Variants in ZSCAN5A observed in about 807,000 individuals in gnomAD.
ZSCAN5A encodes zinc finger and SCAN domain-containing protein 5A.
ZSCAN5A carries 12 observed loss-of-function variants against 23.7 expected under a neutral mutation model. The ratio of observed to expected loss-of-function variants is 0.51; its 90% CI spans 0.32 to 0.82. The LOEUF (loss-of-function observed/expected upper bound fraction) is 0.82, where lower values mean the gene tolerates loss of function less well. Ranked by LOEUF, ZSCAN5A falls within the 40% of genes least tolerant of loss-of-function variation. ZSCAN5A has a pLI of 0.03. For missense variants in ZSCAN5A, 597 were observed against 617.9 expected, an observed-to-expected ratio of 0.97 and a Z score of 0.36; for synonymous variants, 257 against 239.9, an observed-to-expected ratio of 1.07 and a Z score of -0.66.
At chr19:56,241,624 A>G (rs1352677455) in intron 2 of ZSCAN5A, among the ~76,000 whole-genome samples, 1 of 151,898 alleles carries the variant, frequency 6.6e-6, no homozygotes, top group Admixed American at 6.6e-5. Flanking sequence ...TCTTTTAGCA[A>G]TTTCCAAGCA....
chr19:56,262,826 A>G lies in ZSCAN5A; in HGVS notation c.-127-37653T>C, dbSNP rs147694320. On this transcript the variant is annotated intron_variant, in intron 2 of 5. Coordinates refer to ENST00000683990, the MANE Select transcript of ZSCAN5A (RefSeq NM_001322064.3). ...TTTATTGCTGTGCAATATTCCATTG[A>G]TTTATTTATCCATTCCTTGATTTAT... is the stretch of plus-strand genomic sequence containing the variant. Among the ~76,000 whole-genome samples the G allele has an allele frequency of 6.5e-3, 995 of 152,190 alleles. 4 individuals are homozygous for G. Among genetic ancestry groups the G allele is most frequent in the Non-Finnish European group, 8.7e-3 (593 of 68,006 alleles).
intron 2 of ZSCAN5A, chr19:56,301,956 G>C: frequency 8.1e-7 from 1 of 1,231,990 alleles, no homozygotes; most frequent in Non-Finnish European, 1.0e-6. Flanking sequence ...TCATCTCCAC[G>C]GTTCTCTCCA....
intron 2 of ZSCAN5A, among the ~76,000 whole-genome samples, chr19:56,307,901 AG>A (rs1233948819): frequency 6.6e-6 from 1 of 152,260 alleles, no homozygotes; most frequent in African/African-American, 2.4e-5. Flanking sequence ...CCTGGCAGGA[AG>A]CCTCTGCCCC....
chr19:56,271,678 GGA>G (rs1176113143), intron 2 of ZSCAN5A, among the ~76,000 whole-genome samples: 4 of 152,176 alleles, frequency 2.6e-5, no homozygotes, highest in Non-Finnish European at 4.4e-5. Flanking sequence ...GATGGCGGCA[GGA>G]GAGAGTCCCC....
At chr19:56,223,337 C>CG (rs1349376136) in intron 4 of ZSCAN5A, among the ~76,000 whole-genome samples, 1 of 152,218 alleles carries the variant, frequency 6.6e-6, no homozygotes, top group African/African-American at 2.4e-5. Context: ...TTTGAGGAAA[C>CG]TGGCTACGGG....
intron 2 of ZSCAN5A, among the ~76,000 whole-genome samples, chr19:56,332,241 C>T (rs972229575): frequency 6.6e-6 from 1 of 152,168 alleles, no homozygotes; most frequent in East Asian, 1.9e-4. Flanking sequence ...TCTGATGATC[C>T]GTCTAATGCT....
intron 2 of ZSCAN5A, chr19:56,274,537 G>C (rs11084442): frequency 6.6e-6 from 1 of 151,478 alleles, no homozygotes; most frequent in Non-Finnish European, 1.5e-5. Context: ...TTAGACTTGA[G>C]GAAAAGTCAC....
chr19:56,292,742 C>T (rs1456118712), intron 2 of ZSCAN5A, among the ~76,000 whole-genome samples: 1 of 152,138 alleles, frequency 6.6e-6, no homozygotes, highest in Non-Finnish European at 1.5e-5. Flanking sequence ...ACCTCAGCCC[C>T]GGCAACCACC....
intron 3 of ZSCAN5A, 115 bp from the exon 4 acceptor site, chr19:56,223,949 C>T (rs891846681): frequency 2.6e-5 from 26 of 1,007,568 alleles, no homozygotes; most frequent in Non-Finnish European, 3.6e-5. Context: ...TCAAATCTGC[C>T]TTCCCAATAG....
chr19:56,349,052 C>A (rs1312897220), intron 2 of ZSCAN5A, among the ~76,000 whole-genome samples: 1 of 152,188 alleles, frequency 6.6e-6, no homozygotes, highest in Non-Finnish European at 1.5e-5. Flanking sequence ...TTCTTAAAAT[C>A]CTTCACCAAG....
intron 2 of ZSCAN5A, among the ~76,000 whole-genome samples, chr19:56,271,417 G>C (rs895913917): frequency 4.6e-5 from 7 of 152,188 alleles, no homozygotes; most frequent in African/African-American, 1.7e-4. Context: ...CATAGCACCG[G>C]ATGTGAAAAG....
At chr19:56,248,527 A>C (rs944288164) in intron 2 of ZSCAN5A, among the ~76,000 whole-genome samples, 1 of 152,064 alleles carries the variant, frequency 6.6e-6, no homozygotes, top group Non-Finnish European at 1.5e-5. Flanking sequence ...CCAAAGTGCT[A>C]TTACGGGTGT....
chr19:56,247,311 T>A, intron 2 of ZSCAN5A: 1 of 280,976 alleles, frequency 3.6e-6, no homozygotes, highest in Non-Finnish European at 7.0e-6. Context: ...AGAAGCCCTA[T>A]AAATGTAAGG....
intron 2 of ZSCAN5A, among the ~76,000 whole-genome samples, chr19:56,270,091 A>T (rs1015568941): frequency 6.6e-6 from 1 of 151,828 alleles, no homozygotes; most frequent in African/African-American, 2.4e-5. Flanking sequence ...CTCCAGGTCC[A>T]GCACCACTTC....
At position 56,227,162 on chromosome 19, in the gene ZSCAN5A, G is replaced by A. The variant is rs1349487338; in HGVS notation, c.-127-1989C>T. Among the ~76,000 whole-genome samples the A allele has an allele frequency of 2.6e-5, 4 of 152,122 alleles. 1 individual carries two copies. The highest frequency in any genetic ancestry group is 2.0e-4 in the Admixed American group (3 of 15,252). On this transcript the variant is annotated intron_variant, in intron 2 of 5. Coordinates refer to ENST00000683990, the MANE Select transcript of ZSCAN5A (RefSeq NM_001322064.3). ...CTTGGAAACTGCTTAAAAAAAATTA[G>A]ATTTCAAGTATTCTCAAAACCAAAA...
rs556665874 is a variant in ZSCAN5A, at chr19:56,321,903, C to T, written c.-357-5635G>A. ...GCACGCTCATCAAGGGCTTCTGTTA[C>T]CATCCGGTACTGCTCAATATCCAAC... On this transcript the variant is annotated intron_variant, in intron 2 of 6. Coordinates refer to the ZSCAN5A transcript ENST00000587340. 77 of 784,584 alleles carry T rather than the reference C, an allele frequency of 9.8e-5. 2 individuals are homozygous for T. In the South Asian group the frequency reaches 1.0e-3, roughly 10 times the overall value. 48.6% of individuals were successfully genotyped at this position (784,584 alleles called of 1,614,324 possible).
intron 2 of ZSCAN5A, among the ~76,000 whole-genome samples, chr19:56,323,136 C>T (rs1376489511): frequency 6.6e-6 from 1 of 152,080 alleles, no homozygotes; most frequent in African/African-American, 2.4e-5. Flanking sequence ...TCTCATGATC[C>T]ACCTGCCTCG....
intron 2 of ZSCAN5A, among the ~76,000 whole-genome samples, chr19:56,362,876 A>G (rs1049715887): frequency 2.6e-5 from 4 of 152,112 alleles, no homozygotes; most frequent in Non-Finnish European, 5.9e-5. Context: ...GCCTCAAAAA[A>G]AAAAAAAAAA....
chr19:56,285,074 A>T, intron 2 of ZSCAN5A: 3 of 941,054 alleles, frequency 3.2e-6, no homozygotes, highest in Non-Finnish European at 3.8e-6. Flanking sequence ...CTTGTCCGCA[A>T]GGTAATGTAG....
Sources: gnomAD v4.1 joint callset for allele counts (sites outside exome capture counted in the v4.1 genomes callset) on GRCh38, gnomAD v4.1.1 for gene constraint, MANE v1.5 for transcripts, NCBI Gene and HGNC (gene_info 2026-07-23, HGNC 2026-07-21) for gene names.